HS3ST5: variants seen among roughly 807,000 people sequenced by gnomAD.
HS3ST5 encodes the protein heparan sulfate glucosamine 3-O-sulfotransferase 5.
HS3ST5 carries 10 observed loss-of-function variants against 25.4 expected under a neutral mutation model. That is an observed-to-expected ratio of 0.39 (90% CI 0.24 to 0.67). HS3ST5 has a LOEUF of 0.67. HS3ST5 is among the 30% of genes least tolerant of loss of function. The pLI, the probability that HS3ST5 is intolerant of heterozygous loss-of-function variation, is 0.44. For missense variants in HS3ST5, 324 were observed against 420.7 expected, an observed-to-expected ratio of 0.77 and a Z score of 2.01; for synonymous variants, 170 against 162.4, an observed-to-expected ratio of 1.05 and a Z score of -0.36.
chr6:114,088,722 A>G (rs1774973661), intron 3 of HS3ST5, among the ~76,000 whole-genome samples: 1 of 152,220 alleles, frequency 6.6e-6, no homozygotes, highest in Non-Finnish European at 1.5e-5. Flanking sequence ...TAGGCTATAT[A>G]CAGATATGTG....
intron 2 of HS3ST5, among the ~76,000 whole-genome samples, chr6:114,227,501 C>T (rs190780726): frequency 3.0e-4 from 45 of 151,972 alleles, no homozygotes; most frequent in Admixed American, 2.9e-3. Flanking sequence ...CTTTTGTAAA[C>T]TTAAAATTAC....
At chr6:114,273,821 G>A (rs542235450) in intron 1 of HS3ST5, among the ~76,000 whole-genome samples, 18 of 152,106 alleles carry the variant, frequency 1.2e-4, no homozygotes, top group South Asian at 4.2e-4. Flanking sequence ...ACTGGGGAGG[G>A]TGGTCCAAGA....
intron 1 of HS3ST5, among the ~76,000 whole-genome samples, chr6:114,341,151 G>T (rs1159862520): frequency 6.8e-6 from 1 of 147,158 alleles, no homozygotes; most frequent in African/African-American, 2.5e-5. Context: ...AGAGAGGAGA[G>T]GGGGAGAGAG....
intron 2 of HS3ST5, among the ~76,000 whole-genome samples, chr6:114,215,679 T>C (rs940613410): frequency 6.6e-6 from 1 of 152,184 alleles, no homozygotes; most frequent in African/African-American, 2.4e-5. Context: ...TGCTGCTATA[T>C]GCCAGCAGAC....
chr6:114,309,709 G>A lies in HS3ST5; in HGVS notation c.-339+32486C>T, dbSNP rs554276402. On this transcript the variant is annotated intron_variant, in intron 1 of 4. Transcript: ENST00000312719. ...GGTTGCACCACTGCACTCCAGCCTG[G>A]GCGACAGAGTGAGATGCTGCTTTGT... Among the ~76,000 whole-genome samples the A allele has an allele frequency of 5.9e-5, 9 of 152,160 alleles. No individual in the cohort carries two copies. The East Asian group carries it at 1.7e-3, about 29-fold the overall frequency.
intron 1 of HS3ST5, among the ~76,000 whole-genome samples, chr6:114,267,700 C>T (rs1415415564): frequency 6.6e-6 from 1 of 152,146 alleles, no homozygotes. Flanking sequence ...GGCCAAGTTG[C>T]AGTTGGTCTT....
chr6:114,318,327 A>C (rs185591110), intron 1 of HS3ST5, among the ~76,000 whole-genome samples: 12 of 152,314 alleles, frequency 7.9e-5, no homozygotes, highest in Admixed American at 3.3e-4. Context: ...TTCAAAATCC[A>C]TGTGGATTAT....
chr6:114,305,321 C>A lies in HS3ST5; in HGVS notation c.-339+36874G>T, dbSNP rs1465515623. ...CTTTTTTCTAATTCTAAAATTCAAG[C>A]TTTCAAGTAAAAGTTCAAATTTGAA... On this transcript the variant is annotated intron_variant, in intron 1 of 4. Coordinates refer to ENST00000312719, the MANE Select transcript of HS3ST5 (RefSeq NM_153612.4). Among the ~76,000 whole-genome samples, 5 of 152,118 alleles carry A rather than the reference C, an allele frequency of 3.3e-5. No individual in the cohort carries two copies. The East Asian group carries it at 9.6e-4, about 29-fold the overall frequency.
chr6:114,282,267 G>T (rs779208005), intron 1 of HS3ST5, among the ~76,000 whole-genome samples: 5 of 151,866 alleles, frequency 3.3e-5, no homozygotes, highest in Non-Finnish European at 7.4e-5. Flanking sequence ...ACATGCAGCC[G>T]CTGGCATCTT....
At chr6:114,256,117 A>G (rs9374448) in intron 1 of HS3ST5, among the ~76,000 whole-genome samples, 6,950 of 152,258 alleles carry the variant, frequency 0.046, 180 homozygotes, top group Middle Eastern at 0.078. Context: ...GGCCAGGTGC[A>G]GTGGCTCACG....
At position 114,058,084 on chromosome 6, in the gene HS3ST5, G is replaced by A. The variant is rs758282651; in HGVS notation, c.214C>T (p.Arg72Trp). The A allele has an allele frequency of 1.5e-5, 25 of 1,614,040 alleles. No individual in the cohort carries two copies. Among genetic ancestry groups the A allele is most frequent in the East Asian group, 4.5e-5 (2 of 44,894 alleles). Reference protein sequence around the residue: ...QFKRGLLHEFRKGNASKEQVR... With the variant: ...QFKRGLLHEFWKGNASKEQVR... ...TGCTCCTTGGAAGCGTTGCCCTTCCGGAACTCGTGCAGCAGGCCACGCTTA... is the reference window on the plus strand; with the variant it reads ...TGCTCCTTGGAAGCGTTGCCCTTCCAGAACTCGTGCAGCAGGCCACGCTTA... Residue 72 changes from arginine to tryptophan, a missense_variant, in exon 5 of 5, where the codon CGG becomes TGG. This residue lies in a region of HS3ST5 where 121 missense variants were observed against 117.3 expected (regional missense o/e 1.03). Coordinates refer to ENST00000312719, the MANE Select transcript of HS3ST5 (RefSeq NM_153612.4).
chr6:114,206,883 G>T (rs1196072879), intron 2 of HS3ST5, among the ~76,000 whole-genome samples: 1 of 152,150 alleles, frequency 6.6e-6, no homozygotes, highest in Non-Finnish European at 1.5e-5. Flanking sequence ...AACTCATCAA[G>T]TTTGAGAAGG....
intron 3 of HS3ST5, among the ~76,000 whole-genome samples, chr6:114,124,338 G>A (rs1163853307): frequency 6.6e-6 from 1 of 152,110 alleles, no homozygotes; most frequent in African/African-American, 2.4e-5. Flanking sequence ...GGTGTGCCAA[G>A]GATGCATTTT....
chr6:114,067,708 G>T (rs1012857136), intron 3 of HS3ST5, among the ~76,000 whole-genome samples: 19 of 152,102 alleles, frequency 1.2e-4, no homozygotes, highest in African/African-American at 4.1e-4. Flanking sequence ...TGCCCCGTCT[G>T]GTTATGGCAG....
chr6:114,192,752 G>A (rs1456169618), intron 2 of HS3ST5, among the ~76,000 whole-genome samples: 2 of 152,102 alleles, frequency 1.3e-5, no homozygotes, highest in African/African-American at 4.8e-5. Flanking sequence ...GGGAAAATTG[G>A]TCCCAGAGTC....
rs768863635 is a variant in HS3ST5 at position 114,062,821 on chromosome 6, G to T, written c.25C>A (p.Leu9Met). The change falls in exon 4 of 5, where the codon CTG becomes ATG. Residue 9 changes from leucine (L) to methionine (M), a missense_variant. Leu to Met is a conservative substitution (Grantham distance 15). Around this residue, in one of 2 missense-constraint regions of HS3ST5, gnomAD observed 121 missense variants for 117.3 expected, o/e 1.03. Transcript: ENST00000312719. ...CCCAGCACCAGGAGCTTCTGTCTCA[G>T]CCACGCCTGCTGTTTGAATAGCATG... MLFKQQAW[L>M]RQKLLVLGSL... is the part of the protein sequence containing the mutation. 1.9e-5 allele frequency: 31 copies of T among 1,613,782 alleles called. No individual in the cohort carries two copies. The highest frequency in any genetic ancestry group is 2.5e-5 in the Non-Finnish European group (29 of 1,179,880).
At chr6:114,315,749 G>A (rs112119478) in intron 1 of HS3ST5, among the ~76,000 whole-genome samples, 2,972 of 152,190 alleles carry the variant, frequency 0.02, 36 homozygotes, top group Non-Finnish European at 0.028. Flanking sequence ...AGACATATAT[G>A]TTCACAGTCT....
chr6:114,216,517 A>G (rs1034564186), intron 2 of HS3ST5, among the ~76,000 whole-genome samples: 1 of 152,198 alleles, frequency 6.6e-6, no homozygotes, highest in African/African-American at 2.4e-5. Context: ...TTTACACTAC[A>G]GTAGACATAC....
At chr6:114,281,466 C>G (rs1774105850) in intron 1 of HS3ST5, among the ~76,000 whole-genome samples, 1 of 151,896 alleles carries the variant, frequency 6.6e-6, no homozygotes. Flanking sequence ...CAATAAAATT[C>G]TTTTCTCCCT....
Sources: gnomAD v4.1 joint callset for allele counts (sites outside exome capture counted in the v4.1 genomes callset) on GRCh38, gnomAD v4.1.1 for gene constraint, gnomAD v4.1.1 regional missense constraint, MANE v1.5 for transcripts, NCBI Gene and HGNC (gene_info 2026-07-23, HGNC 2026-07-21) for gene names.